The following NRP2 variants were observed in gnomAD, a reference collection of about 807,000 sequenced individuals.
NRP2 encodes the protein neuropilin-2.
Under a neutral mutation model 110.4 loss-of-function variants are expected in NRP2, and 52 were observed. The ratio of observed to expected loss-of-function variants is 0.47; its 90% CI spans 0.38 to 0.59. The LOEUF (loss-of-function observed/expected upper bound fraction) is 0.59. NRP2 is among the 20% of genes least tolerant of loss of function. The pLI is 0.00. For missense variants in NRP2, 1,049 were observed against 1,203.0 expected, an observed-to-expected ratio of 0.87 and a Z score of 1.89; for synonymous variants, 508 against 468.9, an observed-to-expected ratio of 1.08 and a Z score of -1.08.
chr2:205,754,180 C>T (rs1226925891), intron 12 of NRP2, among the ~76,000 whole-genome samples: 1 of 152,060 alleles, frequency 6.6e-6, no homozygotes, highest in African/African-American at 2.4e-5. Flanking sequence ...GGGGTGAATT[C>T]CGGAAATTTA....
intron 15 of NRP2, among the ~76,000 whole-genome samples, chr2:205,782,583 C>A (rs1237867290): frequency 6.6e-6 from 1 of 152,142 alleles, no homozygotes; most frequent in Non-Finnish European, 1.5e-5. Flanking sequence ...TTGTTTTATA[C>A]CTTTACAAAC....
chr2:205,688,238 G>T (rs1037578963), intron 1 of NRP2, among the ~76,000 whole-genome samples: 13 of 152,162 alleles, frequency 8.5e-5, no homozygotes, highest in Admixed American at 2.0e-4. Context: ...CATATTTGAG[G>T]TATTTTATTA....
At chr2:205,719,378 A>G (rs919664006) in intron 3 of NRP2, among the ~76,000 whole-genome samples, 3 of 152,048 alleles carry the variant, frequency 2.0e-5, no homozygotes, top group African/African-American at 4.8e-5. Context: ...AAAAGATTCT[A>G]TATGTTACCA....
chr2:205,791,258 G>A (rs1218321883), intron 15 of NRP2, among the ~76,000 whole-genome samples: 1 of 152,174 alleles, frequency 6.6e-6, no homozygotes, highest in East Asian at 1.9e-4. Flanking sequence ...TTATAGTAGT[G>A]ACTTCAAGAT....
At chr2:205,708,434 C>T (rs1294616895) in intron 2 of NRP2, among the ~76,000 whole-genome samples, 1 of 152,192 alleles carries the variant, frequency 6.6e-6, no homozygotes, top group African/African-American at 2.4e-5. Flanking sequence ...ACCCAAAGGA[C>T]CAGTGCAGAA....
chr2:205,773,688 T>C (rs1051762977), intron 15 of NRP2, among the ~76,000 whole-genome samples: 7 of 152,212 alleles, frequency 4.6e-5, no homozygotes, highest in African/African-American at 1.7e-4. Flanking sequence ...TTGTCTCTTA[T>C]CGTAAGAAAC....
chr2:205,767,703 C>T (rs1409846179), intron 15 of NRP2: 3 of 198,348 alleles, frequency 1.5e-5, no homozygotes, highest in South Asian at 6.5e-5. Flanking sequence ...GTTCCCACAC[C>T]GGTTTCTAAT....
chr2:205,703,076 G>A (rs1249784729), intron 2 of NRP2, among the ~76,000 whole-genome samples: 1 of 152,212 alleles, frequency 6.6e-6, no homozygotes, highest in Non-Finnish European at 1.5e-5. Context: ...CCTAGTCTAG[G>A]AGGGTGCTAG....
chr2:205,733,131 T>C (rs1270998412), intron 7 of NRP2, among the ~76,000 whole-genome samples: 1 of 152,150 alleles, frequency 6.6e-6, no homozygotes, highest in East Asian at 1.9e-4. Flanking sequence ...CTTATCCATT[T>C]GCCATGGGAT....
intron 11 of NRP2, 167 bp from the exon 12 acceptor site, chr2:205,752,668 C>A (rs1575630002): frequency 1.4e-6 from 1 of 714,338 alleles, no homozygotes; most frequent in Non-Finnish European, 2.4e-6. Flanking sequence ...CAAAGCCTGA[C>A]CCGAAAGCCA....
At chr2:205,690,723 T>G (rs556891817) in intron 1 of NRP2, among the ~76,000 whole-genome samples, 1 of 152,024 alleles carries the variant, frequency 6.6e-6, no homozygotes, top group Non-Finnish European at 1.5e-5. Flanking sequence ...GAGGTTGCAG[T>G]GGGCCGAGAT....
Position 205,727,882 on chromosome 2 carries a change from A to T in NRP2, c.991-9A>T. 2 of 1,611,556 alleles carry T rather than the reference A, an allele frequency of 1.2e-6. No individual in the cohort carries two copies. Among genetic ancestry groups the T allele is most frequent in the Non-Finnish European group, 1.7e-6 (2 of 1,178,822 alleles). On this transcript the variant is annotated splice_polypyrimidine_tract_variant and intron_variant, in intron 6 of 16. Transcript: ENST00000357785. ...TGGTGGTCTCTTACTCCAGCCCTCT[A>T]TTCCCCAGGTGGACCTGCGCTTTTT...
intron 2 of NRP2, chr2:205,700,877 G>A (rs912100393): frequency 7.6e-6 from 3 of 393,430 alleles, no homozygotes; most frequent in Non-Finnish European, 1.5e-5. Flanking sequence ...AGAAGCTGTG[G>A]GCAGAAACCA....
chr2:205,789,183 G>A (rs2058270196), intron 15 of NRP2, among the ~76,000 whole-genome samples: 2 of 152,148 alleles, frequency 1.3e-5, no homozygotes, highest in Non-Finnish European at 2.9e-5. Context: ...TAGTTACAGT[G>A]TCCCAGCCAC....
chr2:205,776,172 CT>C (rs757866376), intron 15 of NRP2: 1 of 1,439,116 alleles, frequency 6.9e-7, no homozygotes, highest in Non-Finnish European at 9.7e-7. Flanking sequence ...GTGTTTCTTT[CT>C]TTTTTTAAAT....
intron 15 of NRP2, among the ~76,000 whole-genome samples, chr2:205,786,396 G>C (rs2058236634): frequency 6.6e-6 from 1 of 152,182 alleles, no homozygotes; most frequent in Admixed American, 6.5e-5. Flanking sequence ...ATGGGGTTCA[G>C]AAACTTGGAA....
chr2:205,718,353 G>A (rs2056942614), intron 3 of NRP2, among the ~76,000 whole-genome samples: 2 of 152,178 alleles, frequency 1.3e-5, no homozygotes, highest in African/African-American at 4.8e-5. Context: ...ATTCAATATC[G>A]CTGTCTTGAG....
chr2:205,748,729 T>G (rs114524448), intron 10 of NRP2, among the ~76,000 whole-genome samples: 2 of 152,274 alleles, frequency 1.3e-5, no homozygotes, highest in East Asian at 3.9e-4. Context: ...TGGCATCCTG[T>G]TGGAGGACAG....
rs192886422 is a variant in NRP2, at chr2:205,753,672, C to T, written c.2044+697C>T. Among the ~76,000 whole-genome samples the T allele has an allele frequency of 4.5e-3, 690 of 152,312 alleles. 20 individuals are homozygous for T. The highest frequency in any genetic ancestry group is 0.041 in the Admixed American group (629 of 15,302). ...TGTCTGCTATCTCTGCTGTTACGTG[C>T]TTTCACAGCAGTATGATGGTAAATG... On this transcript the variant is annotated intron_variant, in intron 12 of 16. Transcript: ENST00000357785.
Sources: allele counts gnomAD v4.1 joint callset (sites outside exome capture counted in the v4.1 genomes callset), GRCh38; gene constraint gnomAD v4.1.1; transcripts MANE v1.5; gene names NCBI Gene and HGNC (gene_info 2026-07-23, HGNC 2026-07-21).